The following MGAT4C variants were observed in gnomAD, a reference collection of about 807,000 sequenced individuals.
MGAT4C encodes MGAT4 family member C.
Under a neutral mutation model 40.1 loss-of-function variants are expected in MGAT4C, and 19 were observed. The ratio of observed to expected loss-of-function variants is 0.47; its 90% CI spans 0.33 to 0.70. The LOEUF is 0.70. MGAT4C is among the 30% of genes least tolerant of loss of function. The probability of loss-of-function intolerance (pLI) is 0.02; values close to 1 mark genes in which losing one functional copy is unlikely to be tolerated. For synonymous variants in MGAT4C, 181 were observed against 187.1 expected (o/e 0.97, Z 0.27); for missense variants, 491 against 563.2 (o/e 0.87, Z 1.30).
At chr12:86,203,556 A>T (rs572817956) in intron 1 of MGAT4C, among the ~76,000 whole-genome samples, 12 of 152,182 alleles carry the variant, frequency 7.9e-5, no homozygotes, top group Admixed American at 3.9e-4. Flanking sequence ...CTCCAAACTA[A>T]TTTTTTTCTC....
At chr12:86,369,888 C>T (rs1361802018) in intron 3 of MGAT4C, among the ~76,000 whole-genome samples, 1 of 151,912 alleles carries the variant, frequency 6.6e-6, no homozygotes, top group East Asian at 1.9e-4. Context: ...AGATTTAGTA[C>T]TATTTTCTCT....
At chr12:86,257,323 T>C (rs1201801712), upstream of MGAT4C, among the ~76,000 whole-genome samples, 1 of 152,144 alleles carries the variant, frequency 6.6e-6, no homozygotes, top group Non-Finnish European at 1.5e-5. Flanking sequence ...CCTTGAAATA[T>C]ACCCAAGCTT....
chr12:86,813,021 G>A (rs958312431), intron 1 of MGAT4C, among the ~76,000 whole-genome samples: 1 of 152,010 alleles, frequency 6.6e-6, no homozygotes, highest in Admixed American at 6.6e-5. Flanking sequence ...TGCCTGCAAG[G>A]CTTCTTCTGT....
At chr12:86,434,444 G>A (rs1957101118) in intron 3 of MGAT4C, among the ~76,000 whole-genome samples, 1 of 151,692 alleles carries the variant, frequency 6.6e-6, no homozygotes, top group Non-Finnish European at 1.5e-5. Flanking sequence ...ATGTGTATAT[G>A]TATACACATG....
chr12:85,961,872 C>T lies in MGAT4C; in HGVS notation c.*17417G>A, dbSNP rs1172982726. Reference sequence around the variant, plus strand: ...ATTTTATTAGGATTCTAAGGTTATTCTGTGACGATGGAACTTAATGATGTA... The same window carrying T: ...ATTTTATTAGGATTCTAAGGTTATTTTGTGACGATGGAACTTAATGATGTA... On this transcript the variant is annotated 3_prime_UTR_variant, in exon 5 of 5. Coordinates refer to ENST00000611864, the MANE Select transcript of MGAT4C (RefSeq NM_001351288.2). 1 of 151,790 alleles carries T rather than the reference C, an allele frequency of 6.6e-6. No homozygotes were observed. The highest frequency in any genetic ancestry group is 1.5e-5 in the Non-Finnish European group (1 of 67,754). The allele number at this position is 151,790 out of a possible 1,614,324, so 9.4% of individuals were successfully genotyped here. A position where few individuals can be genotyped will look rare whatever the true frequency, so the allele number is the denominator to read the frequency against.
intron 4 of MGAT4C, among the ~76,000 whole-genome samples, chr12:86,278,952 G>A (rs1953145217): frequency 4.4e-5 from 2 of 45,408 alleles, no homozygotes; most frequent in Non-Finnish European, 5.8e-5. Context: ...TTGTCCTTCA[G>A]TCAGTTGATA....
chr12:86,295,452 C>G (rs933152880), intron 4 of MGAT4C, among the ~76,000 whole-genome samples: 1 of 152,072 alleles, frequency 6.6e-6, no homozygotes, highest in Admixed American at 6.5e-5. Context: ...TTGCTGGGCT[C>G]AGGAGTGAAG....
intron 1 of MGAT4C, among the ~76,000 whole-genome samples, chr12:86,074,891 GATCCCTCCCACAACATGGGGGA>G (rs1869370227): frequency 6.6e-6 from 1 of 152,134 alleles, no homozygotes; most frequent in East Asian, 1.9e-4. Context: ...TCTCCTACCA[GATCCCTCCCACAACATGGGGGA>G]ATTATGGAAG....
chr12:86,445,578 AAG>A (rs1957319434), intron 2 of MGAT4C, among the ~76,000 whole-genome samples: 1 of 152,166 alleles, frequency 6.6e-6, no homozygotes, highest in African/African-American at 2.4e-5. Flanking sequence ...ATAGCATCAA[AAG>A]ATACACATTC....
chr12:86,654,384 C>A (rs149606905), intron 2 of MGAT4C, among the ~76,000 whole-genome samples: 16 of 150,482 alleles, frequency 1.1e-4, no homozygotes, highest in African/African-American at 3.9e-4. Context: ...GCTTTCTTAT[C>A]AAAGTGGTAG....
At chr12:86,340,670 A>G (rs1157378971) in intron 3 of MGAT4C, among the ~76,000 whole-genome samples, 2 of 152,168 alleles carry the variant, frequency 1.3e-5, no homozygotes, top group Non-Finnish European at 2.9e-5. Flanking sequence ...AGAATCCAAC[A>G]TAAAAGGATA....
chr12:86,346,821 C>A (rs1955044511), intron 3 of MGAT4C, among the ~76,000 whole-genome samples: 1 of 152,100 alleles, frequency 6.6e-6, no homozygotes, highest in Non-Finnish European at 1.5e-5. Context: ...TCTGGGTGGG[C>A]ACCATCCAAC....
chr12:86,663,618 T>C lies in MGAT4C; in HGVS notation c.-229+63591A>G, dbSNP rs954419529. Among the ~76,000 whole-genome samples, 16 of 152,120 alleles carry C rather than the reference T, an allele frequency of 1.1e-4. 1 individual carries two copies. The highest frequency in any genetic ancestry group is 3.9e-4 in the African/African-American group (16 of 41,416). ...CTTAACTATGGCTTTTAGTAAACTA[T>C]TCTTGTCTATATTGACAACCATAGA... On this transcript the variant is annotated intron_variant, in intron 2 of 7. Transcript: ENST00000548651.
At chr12:86,596,116 G>C (rs1961528043) in intron 2 of MGAT4C, among the ~76,000 whole-genome samples, 1 of 151,086 alleles carries the variant, frequency 6.6e-6, no homozygotes, top group Admixed American at 6.6e-5. Flanking sequence ...TAAGTTCTAG[G>C]GTACATGTGC....
intron 2 of MGAT4C, among the ~76,000 whole-genome samples, chr12:86,500,899 A>G (rs529348648): frequency 1.4e-4 from 21 of 152,212 alleles, no homozygotes; most frequent in African/African-American, 4.6e-4. Flanking sequence ...CTTGAATGTA[A>G]TCTTAGTTTA....
chr12:86,356,404 T>C (rs1279168592), intron 3 of MGAT4C, among the ~76,000 whole-genome samples: 1 of 152,178 alleles, frequency 6.6e-6, no homozygotes, highest in Non-Finnish European at 1.5e-5. Flanking sequence ...GCTCTCAGTG[T>C]GAGCAATGCA....
At chr12:86,806,232 C>T (rs1337951391) in intron 1 of MGAT4C, among the ~76,000 whole-genome samples, 1 of 151,482 alleles carries the variant, frequency 6.6e-6, no homozygotes, top group Non-Finnish European at 1.5e-5. Flanking sequence ...TTATTATGTA[C>T]TCTTTTATTA....
In MGAT4C at chr12:85,965,989, C is replaced by T. The variant is rs948036416; in HGVS notation, c.*13300G>A. ...CCTTAAATAGCTGCCAAATAAATGA[C>T]ATTAAAAAATGTATAAAAAGGTATG... On this transcript the variant is annotated 3_prime_UTR_variant, in exon 5 of 5. Coordinates refer to ENST00000611864, the MANE Select transcript of MGAT4C (RefSeq NM_001351288.2). 6.6e-6 allele frequency: 1 copy of T among 152,006 alleles called. No homozygotes were observed. Among genetic ancestry groups the T allele is most frequent in the South Asian group, 2.1e-4 (1 of 4,830 alleles). The allele number at this position is 152,006 out of a possible 1,614,324, so 9.4% of individuals were successfully genotyped here.
intron 2 of MGAT4C, among the ~76,000 whole-genome samples, chr12:86,029,748 A>T (rs1443558424): frequency 6.6e-6 from 1 of 151,934 alleles, no homozygotes; most frequent in African/African-American, 2.4e-5. Flanking sequence ...ACTTTACAGG[A>T]TAGATGTATT....
Sources: allele counts gnomAD v4.1 joint callset (sites outside exome capture counted in the v4.1 genomes callset), GRCh38; gene constraint gnomAD v4.1.1; transcripts MANE v1.5; gene names NCBI Gene and HGNC (gene_info 2026-07-23, HGNC 2026-07-21).